AIF1: variants seen among roughly 807,000 people sequenced by gnomAD.
The protein encoded by AIF1 is allograft inflammatory factor 1, also known as interferon gamma responsive transcript.
AIF1 carries 21 observed loss-of-function variants against 20.6 expected under a neutral mutation model. That is an observed-to-expected ratio of 1.02 (90% confidence interval 0.72 to 1.47). The LOEUF (loss-of-function observed/expected upper bound fraction) is 1.47, where lower values mean the gene tolerates loss of function less well. Among genes scored for constraint, AIF1 ranks in the 40% most tolerant of loss-of-function variants. AIF1 has a pLI of 0.00. For synonymous variants in AIF1, 52 were observed against 65.8 expected (o/e 0.79, Z 1.01); for missense variants, 161 against 170.5 (o/e 0.94, Z 0.31).
chr6:31,615,296 C>G lies in AIF1; in HGVS notation c.-34C>G. The stretch of plus-strand genomic sequence containing the variant: ...TGCAGACAGAGGCCTCCAGCTTGGT[C>G]TGTCTCCCCACCTCTACCAGCATCT... On this transcript the variant is annotated 5_prime_UTR_variant, in exon 1 of 6. Transcript: ENST00000376059. 1 of 1,596,782 alleles carries G rather than the reference C, an allele frequency of 6.3e-7. No individual in the cohort carries two copies.
At chr6:31,615,847 A>G (rs1774294804) in intron 3 of AIF1, 111 bp downstream of exon 3, 5 of 1,518,886 alleles carry the variant, frequency 3.3e-6, no homozygotes, top group Non-Finnish European at 4.4e-6. Context: ...TTGTGGTAGC[A>G]AAAGGGGAAC....
Position 31,616,889 on chromosome 6 carries a change from G to A in AIF1, c.433G>A (p.Glu145Lys). The part of the protein sequence containing the change: ...TGPPAKKAIS[E>K]LP Reference sequence around the variant, plus strand: ...CCCCCCAGCCAAGAAAGCTATCTCTGAGTTGCCCTGATTTGAAGGGAAAAG... The same window carrying A: ...CCCCCCAGCCAAGAAAGCTATCTCTAAGTTGCCCTGATTTGAAGGGAAAAG... Residue 145 changes from glutamate (E) to lysine (K), a missense_variant, in exon 6 of 6, where the codon GAG (glutamate) becomes AAG (lysine). By Grantham distance (56) the Glu-to-Lys change is moderately conservative. Coordinates refer to ENST00000376059, the MANE Select transcript of AIF1 (RefSeq NM_001623.5). This position sits in a 1 kb window ranked among gnomAD's most constrained non-coding sequence, Gnocchi z 4.0. The A allele has an allele frequency of 1.9e-6, 3 of 1,614,216 alleles. No individual in the cohort carries two copies. The highest frequency in any genetic ancestry group is 1.7e-4 in the Middle Eastern group (1 of 6,058).
chr6:31,616,599 C>T lies in AIF1; in HGVS notation c.359+93C>T, dbSNP rs1035233988. 2.6e-6 allele frequency: 4 copies of T among 1,518,670 alleles called. No homozygotes were observed. The highest frequency in any genetic ancestry group is 3.5e-6 in the Non-Finnish European group (4 of 1,134,340). 94.1% of individuals were successfully genotyped at this position (1,518,670 alleles called of 1,614,324 possible). On this transcript the variant is annotated intron_variant, in intron 5 of 5. Coordinates refer to ENST00000376059, the MANE Select transcript of AIF1 (RefSeq NM_001623.5). This position sits in a 1 kb window ranked among gnomAD's most constrained non-coding sequence, Gnocchi z 4.0. ...ACAGGCTCAACATTTCTACACGTTG[C>T]CCATCATCCCTTCTTCCATCCTTAG... is the stretch of plus-strand genomic sequence containing the variant.
rs750742540 is a variant in AIF1 at position 31,616,221 on chromosome 6, T to C, written c.196+76T>C. ...ACAGAGGTCTCTCCTACATGCTCCA[T>C]TCCTCATGATTTGGGAGGGGGCCCA... On this transcript the variant is annotated intron_variant, in intron 4 of 5. Coordinates refer to ENST00000376059, the MANE Select transcript of AIF1 (RefSeq NM_001623.5). The surrounding 1 kb of genome is among the most constrained non-coding windows in gnomAD (Gnocchi z 4.0). 1.2e-6 allele frequency: 2 copies of C among 1,613,144 alleles called. No homozygotes were observed. Among genetic ancestry groups the C allele is most frequent in the South Asian group, 2.2e-5 (2 of 91,066 alleles).
chr6:31,616,695 C>A lies in AIF1; in HGVS notation c.360-121C>A. ...GTCCCCAGAAACTCCAACCCCTGCC[C>A]TTCCTCTTCCCCCTTCCACCCTCAC... On this transcript the variant is annotated intron_variant, in intron 5 of 5. Transcript: ENST00000376059. The surrounding 1 kb of genome is among the most constrained non-coding windows in gnomAD (Gnocchi z 4.0). 6.5e-7 allele frequency: 1 copy of A among 1,531,622 alleles called. No homozygotes were observed. Among genetic ancestry groups the A allele is most frequent in the Non-Finnish European group, 8.8e-7 (1 of 1,136,364 alleles). The allele number at this position is 1,531,622 out of a possible 1,614,324, so 94.9% of individuals were successfully genotyped here.
chr6:31,615,615 G>C, intron 2 of AIF1, 33 bp downstream of exon 2: 2 of 1,613,654 alleles, frequency 1.2e-6, no homozygotes, highest in Non-Finnish European at 1.7e-6. Context: ...CAGAGCCAGG[G>C]GGATGGGGCG....
Position 31,616,758 on chromosome 6 carries a change from AT to A in AIF1, c.360-55del. Reference sequence around the variant, plus strand: ...TTCTAGCCTTTCCTAGCACCCTATGATTTATTCCCTTGAGAGGAGTGTTCCC... The same window carrying A: ...TTCTAGCCTTTCCTAGCACCCTATGATTATTCCCTTGAGAGGAGTGTTCCC... On this transcript the variant is annotated intron_variant, in intron 5 of 5. Coordinates refer to ENST00000376059, the MANE Select transcript of AIF1 (RefSeq NM_001623.5). This position sits in a 1 kb window ranked among gnomAD's most constrained non-coding sequence, Gnocchi z 4.0. 6.2e-7 allele frequency: 1 copy of A among 1,612,598 alleles called. No individual in the cohort carries two copies. The highest frequency in any genetic ancestry group is 8.5e-7 in the Non-Finnish European group (1 of 1,179,282).
rs1273184920 is a variant in AIF1, at chr6:31,616,361, C to T, written c.214C>T (p.Arg72Ter). The change falls in exon 5 of 6, where the codon CGA becomes TGA. Residue 72 changes from arginine to a stop codon, truncating the protein, a stop_gained. Transcript: ENST00000376059. LOFTEE classifies it high-confidence loss of function. This position sits in a 1 kb window ranked among gnomAD's most constrained non-coding sequence, Gnocchi z 4.0. The part of the protein sequence containing the change: ...NGDIDIMSLK[R>*]MLEKLGVPKT... ...GCCCCCAGATATCATGTCCCTGAAA[C>T]GAATGCTGGAGAAACTTGGAGTCCC... The T allele has an allele frequency of 3.1e-6, 5 of 1,612,936 alleles. No homozygotes were observed. The highest frequency in any genetic ancestry group is 2.2e-5 in the East Asian group (1 of 44,882).
In AIF1 at chr6:31,616,509, G is replaced by A. The variant is rs1774389169; in HGVS notation, c.359+3G>A. On this transcript the variant is annotated splice_donor_region_variant and intron_variant, in intron 5 of 5. Coordinates refer to ENST00000376059, the MANE Select transcript of AIF1 (RefSeq NM_001623.5). The surrounding 1 kb of genome is among the most constrained non-coding windows in gnomAD (Gnocchi z 4.0). ...AAGAGATCTGCCATCCTAAAAATGT[G>A]AGTGTCAATTTCCAACCTCCCCTGT... The A allele has an allele frequency of 1.2e-6, 2 of 1,602,650 alleles. No homozygotes were observed. Among genetic ancestry groups the A allele is most frequent in the East Asian group, 2.2e-5 (1 of 44,812 alleles).
chr6:31,615,345 G>A lies in AIF1; in HGVS notation c.16G>A (p.Asp6Asn). ...CTGCTGAGCTATGAGCCAAACCAGG[G>A]ATTTACAGGGTAGGGAGGGTGGGAT... is the stretch of plus-strand genomic sequence containing the variant. MSQTR[D>N]LQGGKAFGLL... The change falls in exon 1 of 6, where the codon GAT becomes AAT. Residue 6 changes from aspartate to asparagine, a missense_variant. Physicochemically the swap from Asp to Asn is conservative, Grantham distance 23. Transcript: ENST00000376059. The A allele has an allele frequency of 1.6e-6, 1 of 627,424 alleles. No individual in the cohort carries two copies. Among genetic ancestry groups the A allele is most frequent in the Non-Finnish European group, 2.9e-6 (1 of 341,272 alleles). The allele number at this position is 627,424 out of a possible 1,614,324, so 38.9% of individuals were successfully genotyped here.
intron 3 of AIF1, 151 bp downstream of exon 3, chr6:31,615,887 G>A (rs1430913383): frequency 2.4e-5 from 35 of 1,486,052 alleles, no homozygotes; most frequent in Middle Eastern, 2.5e-4. Flanking sequence ...GCCACACTGC[G>A]GTCCCTTTCC....
In AIF1 at chr6:31,616,840, G is replaced by A. The variant is rs148972430; in HGVS notation, c.384G>A (p.Ala128=). 110 of 1,614,016 alleles carry A rather than the reference G, an allele frequency of 6.8e-5. No individual in the cohort carries two copies. The highest frequency in any genetic ancestry group is 8.2e-5 in the Non-Finnish European group (97 of 1,180,018). The change falls in exon 6 of 6, where the codon GCG becomes GCA. Residue 128 remains alanine (A), a synonymous_variant. Transcript: ENST00000376059. This position sits in a 1 kb window ranked among gnomAD's most constrained non-coding sequence, Gnocchi z 4.0. ...LKMILMYEEK[A]REKEKPTGPP... is the part of the protein sequence containing the mutation. ...GGATCCTGATGTATGAGGAAAAAGC[G>A]AGAGAAAAGGAAAAGCCAACAGGCC...
chr6:31,616,367 C>T lies in AIF1; in HGVS notation c.220C>T (p.Leu74=), dbSNP rs1215689759. 11 of 1,612,968 alleles carry T rather than the reference C, an allele frequency of 6.8e-6. No homozygotes were observed. The highest frequency in any genetic ancestry group is 9.3e-6 in the Non-Finnish European group (11 of 1,180,006). ...DIDIMSLKRM[L]EKLGVPKTHL... is the part of the protein sequence containing the mutation. ...AGATATCATGTCCCTGAAACGAATG[C>T]TGGAGAAACTTGGAGTCCCCAAGAC... The change falls in exon 5 of 6, where the codon CTG becomes TTG. Residue 74 remains leucine, a synonymous_variant. Transcript: ENST00000376059. This position sits in a 1 kb window ranked among gnomAD's most constrained non-coding sequence, Gnocchi z 4.0.
chr6:31,615,814 C>T (rs1774291699), intron 3 of AIF1, 78 bp downstream of exon 3: 1 of 1,549,754 alleles, frequency 6.5e-7, no homozygotes, highest in South Asian at 1.2e-5. Flanking sequence ...AAGGCAGGAA[C>T]AGCAGAGATA....
rs772215997 is a variant in AIF1 at position 31,616,293 on chromosome 6, GGAGA to G, written c.197-45_197-42del. On this transcript the variant is annotated intron_variant, in intron 4 of 5. Transcript: ENST00000376059. This position sits in a 1 kb window ranked among gnomAD's most constrained non-coding sequence, Gnocchi z 4.0. Reference sequence around the variant, plus strand: ...AGAATGGGGATGCGGAAGTGGGAGAGGAGAGAGAGGGTCTCCCCACCTTCTCCCC... The same window carrying G: ...AGAATGGGGATGCGGAAGTGGGAGAGGAGAGGGTCTCCCCACCTTCTCCCC... The G allele has an allele frequency of 4.3e-6, 7 of 1,612,890 alleles. No individual in the cohort carries two copies. The East Asian group carries it at 1.6e-4, about 36-fold the overall frequency.
Position 31,616,965 on chromosome 6 carries a change from AC to A in AIF1, c.*66del. 3.8e-6 allele frequency: 6 copies of A among 1,599,524 alleles called. No individual in the cohort carries two copies. The highest frequency in any genetic ancestry group is 5.1e-6 in the Non-Finnish European group (6 of 1,171,010). On this transcript the variant is annotated 3_prime_UTR_variant, in exon 6 of 6. Transcript: ENST00000376059. This position sits in a 1 kb window ranked among gnomAD's most constrained non-coding sequence, Gnocchi z 4.0. ...AATGACCCAGATATGGAAACAGAAG[AC>A]AAAATTGTAAGCCAGAGTCAACAAA... is the stretch of plus-strand genomic sequence containing the variant.
chr6:31,616,131 G>A lies in AIF1; in HGVS notation c.182G>A (p.Gly61Glu). ...AAATACATGGAGTTTGACCTTAATG[G>A]AAATGGCGATATTGGTGAGAAACGG... ...KEKYMEFDLN[G>E]NGDIDIMSLK... Residue 61 changes from glycine (G) to glutamate (E), a missense_variant, in exon 4 of 6, where the codon GGA becomes GAA. Physicochemically the swap from Gly to Glu is moderately conservative, Grantham distance 98 (BLOSUM62 -2). Transcript: ENST00000376059. The surrounding 1 kb of genome is among the most constrained non-coding windows in gnomAD (Gnocchi z 4.0). 3 of 1,605,350 alleles carry A rather than the reference G, an allele frequency of 1.9e-6. No homozygotes were observed. Among genetic ancestry groups the A allele is most frequent in the Non-Finnish European group, 2.6e-6 (3 of 1,175,510 alleles).
rs1774353074 is a variant in AIF1, at chr6:31,616,287, G to A, written c.197-57G>A. On this transcript the variant is annotated intron_variant, in intron 4 of 5. Transcript: ENST00000376059. This position sits in a 1 kb window ranked among gnomAD's most constrained non-coding sequence, Gnocchi z 4.0. ...GGAAGGAGAATGGGGATGCGGAAGT[G>A]GGAGAGGAGAGAGAGGGTCTCCCCA... 3.1e-6 allele frequency: 5 copies of A among 1,612,780 alleles called. No individual in the cohort carries two copies. The South Asian group carries it at 4.4e-5, about 14-fold the overall frequency.
Position 31,616,770 on chromosome 6 carries a change from G to A in AIF1, c.360-46G>A, listed in dbSNP as rs1413152081. The A allele has an allele frequency of 6.2e-7, 1 of 1,613,464 alleles. No individual in the cohort carries two copies. On this transcript the variant is annotated intron_variant, in intron 5 of 5. Coordinates refer to ENST00000376059, the MANE Select transcript of AIF1 (RefSeq NM_001623.5). This position sits in a 1 kb window ranked among gnomAD's most constrained non-coding sequence, Gnocchi z 4.0. ...CTAGCACCCTATGATTTATTCCCTTGAGAGGAGTGTTCCCTGATCCCTGTG... is the reference window on the plus strand; with the variant it reads ...CTAGCACCCTATGATTTATTCCCTTAAGAGGAGTGTTCCCTGATCCCTGTG...
Sources: allele counts gnomAD v4.1 joint callset, GRCh38; gene constraint gnomAD v4.1.1; non-coding constraint Gnocchi (gnomAD v3.1); transcripts MANE v1.5; gene names NCBI Gene and HGNC (gene_info 2026-07-23, HGNC 2026-07-21).